The following TAF15 variants were observed in gnomAD, a reference collection of about 807,000 sequenced individuals.
The protein encoded by TAF15 is TATA-box binding protein associated factor 15.
In TAF15, 37 loss-of-function variants were observed where a neutral mutation model predicts 102.5. The observed-to-expected ratio is 0.36, with a 90% CI of 0.28 to 0.47. The LOEUF is 0.47. TAF15 is among the 20% of genes least tolerant of loss of function. The pLI, the probability that TAF15 is intolerant of heterozygous loss-of-function variation, is 0.99. For synonymous variants in TAF15, 273 were observed against 259.2 expected, an observed-to-expected ratio of 1.05 and a Z score of -0.51; for missense variants, 652 against 760.7, an observed-to-expected ratio of 0.86 and a Z score of 1.68.
intron 2 of TAF15, among the ~76,000 whole-genome samples, chr17:35,818,078 C>T (rs190150424): frequency 1.3e-5 from 2 of 152,118 alleles, no homozygotes; most frequent in Admixed American, 1.3e-4. Flanking sequence ...CAGACATGTG[C>T]CACTCTACTG....
At position 35,815,147 on chromosome 17, in the gene TAF15, T is replaced by C. The variant is rs60752906; in HGVS notation, c.8-2569T>C. Among the ~76,000 whole-genome samples, 1,331 of 152,310 alleles carry C rather than the reference T, an allele frequency of 8.7e-3. 22 individuals are homozygous for C. Among genetic ancestry groups the C allele is most frequent in the African/African-American group, 0.03 (1,228 of 41,560 alleles). On this transcript the variant is annotated intron_variant, in intron 1 of 15. Coordinates refer to ENST00000605844, the MANE Select transcript of TAF15 (RefSeq NM_139215.3). ...AGGGGGAAAAGCAAAACAGGAAATC[T>C]GAGCAAATACCAAGAATAATAAAAT...
chr17:35,810,531 A>G (rs1741904173), intron 1 of TAF15: 1 of 152,242 alleles, frequency 6.6e-6, no homozygotes, highest in African/African-American at 2.4e-5. Context: ...AGGCTGCATC[A>G]CGGGCCGCAA....
chr17:35,818,321 T>G (rs558739172), intron 2 of TAF15: 3 of 153,838 alleles, frequency 2.0e-5, no homozygotes, highest in Admixed American at 6.5e-5. Context: ...GGTCTCGATC[T>G]CCTGACCTCG....
At chr17:35,837,688 G>A (rs769930440) in intron 10 of TAF15, among the ~76,000 whole-genome samples, 8 of 152,002 alleles carry the variant, frequency 5.3e-5, no homozygotes, top group African/African-American at 7.2e-5. Flanking sequence ...TTAGATGGGC[G>A]TGGTGGCATG....
intron 5 of TAF15, among the ~76,000 whole-genome samples, chr17:35,822,271 G>T (rs2087269630): frequency 6.6e-6 from 1 of 151,258 alleles, no homozygotes; most frequent in Non-Finnish European, 1.5e-5. Flanking sequence ...AACCCATGAG[G>T]TGGAGGTTGC....
intron 1 of TAF15, chr17:35,811,650 T>C (rs749321559): frequency 5.3e-5 from 8 of 152,222 alleles, no homozygotes; most frequent in Non-Finnish European, 1.0e-4. Flanking sequence ...AAATTTAATA[T>C]ATCAAATTGA....
In TAF15 at chr17:35,829,655, A is replaced by AAAAAAG. The variant is rs1555617626; in HGVS notation, c.606-4251_606-4250insAAAAGA. On this transcript the variant is annotated intron_variant, in intron 7 of 15. Coordinates refer to ENST00000605844, the MANE Select transcript of TAF15 (RefSeq NM_139215.3). ...TCAAAAAAAAAAAAAAAAAAAAAAA[A>AAAAAAG]AGAGAGAGAGAGACCTGGAGTAGAG... Among the ~76,000 whole-genome samples, 11 of 135,552 alleles carry AAAAAAG rather than the reference A, an allele frequency of 8.1e-5. No homozygotes were observed. In the East Asian group the frequency reaches 1.2e-3, roughly 14 times the overall value. 88.9% of individuals were successfully genotyped at this position (135,552 alleles called of 152,430 possible).
chr17:35,827,290 C>G (rs924868871), intron 7 of TAF15, among the ~76,000 whole-genome samples: 1 of 149,426 alleles, frequency 6.7e-6, no homozygotes, highest in African/African-American at 2.5e-5. Context: ...GAGCTGAGAT[C>G]GCACCACTGC....
At position 35,844,569 on chromosome 17, in the gene TAF15, G is replaced by A. The variant is rs777882018; in HGVS notation, c.1270G>A (p.Gly424Arg). The change falls in exon 15 of 16, where the codon GGG (glycine) becomes AGG (arginine). Residue 424 changes from glycine to arginine, a missense_variant. This residue lies in a region of TAF15 where 368 missense variants were observed against 367.5 expected (regional missense o/e 1.00). Transcript: ENST00000605844. ...DRGGYGGDRS[G>R]GGYGGDRSSG... Reference sequence around the variant, plus strand: ...AGGCGGCTATGGTGGAGACAGAAGTGGGGGTGGCTATGGTGGAGACAGAAG... The same window carrying A: ...AGGCGGCTATGGTGGAGACAGAAGTAGGGGTGGCTATGGTGGAGACAGAAG... 9 of 1,599,742 alleles carry A rather than the reference G, an allele frequency of 5.6e-6. No individual in the cohort carries two copies. In the African/African-American group the frequency reaches 1.2e-4, roughly 22 times the overall value.
At chr17:35,813,595 T>C (rs2087153646) in intron 1 of TAF15, among the ~76,000 whole-genome samples, 1 of 149,582 alleles carries the variant, frequency 6.7e-6, no homozygotes, top group Non-Finnish European at 1.5e-5. Flanking sequence ...GTGATTGTCC[T>C]ACAGCACTTC....
intron 1 of TAF15, among the ~76,000 whole-genome samples, chr17:35,813,986 G>GTT (rs200205553): frequency 4.0e-5 from 6 of 148,204 alleles, no homozygotes; most frequent in South Asian, 2.2e-4. Context: ...TCTTTTTTCT[G>GTT]TTTTTTTTGT....
rs550103815 is a variant in TAF15, at chr17:35,809,523, C to T, written c.-47C>T. 1.9e-5 allele frequency: 31 copies of T among 1,612,356 alleles called. No homozygotes were observed. In the South Asian group the frequency reaches 2.2e-4, roughly 11 times the overall value. The stretch of plus-strand genomic sequence containing the variant: ...CGCCGCGCCGCCTGGCTTTCGTATT[C>T]GTTGTTCTCGGCGGGCTGTGGGGCC... On this transcript the variant is annotated 5_prime_UTR_variant, in exon 1 of 16. Coordinates refer to ENST00000605844, the MANE Select transcript of TAF15 (RefSeq NM_139215.3).
chr17:35,841,450 G>C (rs1263710264), intron 11 of TAF15, among the ~76,000 whole-genome samples: 2 of 151,128 alleles, frequency 1.3e-5, no homozygotes, highest in African/African-American at 4.9e-5. Flanking sequence ...TTTTCCCCAT[G>C]GGAACAGGTA....
intron 1 of TAF15, chr17:35,816,655 T>C (rs1470739212): frequency 7.2e-6 from 1 of 138,104 alleles, no homozygotes; most frequent in African/African-American, 3.0e-5. Flanking sequence ...CTCTTATGCG[T>C]CACATACTTG....
At chr17:35,842,617 A>G (rs1280499464) in intron 12 of TAF15, among the ~76,000 whole-genome samples, 158 bp downstream of exon 12, 1 of 152,226 alleles carries the variant, frequency 6.6e-6, no homozygotes, top group Non-Finnish European at 1.5e-5. Flanking sequence ...TATATTAGGT[A>G]AATGAGATAT....
chr17:35,812,768 A>C (rs983335055), intron 1 of TAF15, among the ~76,000 whole-genome samples: 3 of 152,078 alleles, frequency 2.0e-5, no homozygotes, highest in Admixed American at 6.6e-5. Flanking sequence ...CCTCTAACAG[A>C]TTATCTGAGA....
chr17:35,833,733 A>G, intron 7 of TAF15, 174 bp from the exon 8 acceptor site: 1 of 630,168 alleles, frequency 1.6e-6, no homozygotes, highest in Non-Finnish European at 2.8e-6. Flanking sequence ...CCTTGGGAAA[A>G]CACTTAGATG....
chr17:35,812,601 A>AG (rs1162367522), intron 1 of TAF15, among the ~76,000 whole-genome samples: 2 of 150,700 alleles, frequency 1.3e-5, no homozygotes, highest in Admixed American at 1.3e-4. Flanking sequence ...AAAAAAAAAA[A>AG]AAAAACCTGA....
intron 7 of TAF15, 166 bp from the exon 8 acceptor site, chr17:35,833,741 A>T (rs1375387481): frequency 1.5e-6 from 1 of 664,842 alleles, no homozygotes; most frequent in East Asian, 2.8e-5. Context: ...AAACACTTAG[A>T]TGGAAACAAC....
Sources: allele counts gnomAD v4.1 joint callset (sites outside exome capture counted in the v4.1 genomes callset), GRCh38; gene constraint gnomAD v4.1.1; regional missense constraint gnomAD v4.1.1; transcripts MANE v1.5; gene names NCBI Gene and HGNC (gene_info 2026-07-23, HGNC 2026-07-21).